Variants in SIPA1L3 observed in about 807,000 individuals in gnomAD.
SIPA1L3 encodes signal induced proliferation associated 1 like 3, also known as signal-induced proliferation-associated 1-like protein 3.
In SIPA1L3, 59 loss-of-function variants were observed where a neutral mutation model predicts 150.1. The observed-to-expected ratio is 0.39, with a 90% CI of 0.32 to 0.49. The LOEUF is 0.49. Among genes scored for constraint, SIPA1L3 ranks in the 20% least tolerant of loss-of-function variants. SIPA1L3 has a pLI of 0.86. For synonymous variants in SIPA1L3, 1,070 were observed against 1,077.6 expected (o/e 0.99, Z 0.14); for missense variants, 2,211 against 2,489.5 (o/e 0.89, Z 2.38).
At chr19:37,953,616 A>G (rs756405098) in intron 1 of SIPA1L3, among the ~76,000 whole-genome samples, 66 of 152,238 alleles carry the variant, frequency 4.3e-4, no homozygotes, top group Non-Finnish European at 8.4e-4. Flanking sequence ...CTCGAATGAA[A>G]GGAAATCTTT....
chr19:37,974,959 C>CTT (rs1460427382), intron 1 of SIPA1L3, among the ~76,000 whole-genome samples: 22 of 152,180 alleles, frequency 1.4e-4, no homozygotes, highest in Non-Finnish European at 2.9e-4. Context: ...GGGCAGATCA[C>CTT]GAGGTCAGGA....
chr19:38,017,939 CA>C (rs139078343), intron 1 of SIPA1L3, among the ~76,000 whole-genome samples: 5,493 of 143,058 alleles, frequency 0.038, 136 homozygotes, highest in South Asian at 0.15. Context: ...CACTAAAAAG[CA>C]TGTGGCTGAC....
intron 10 of SIPA1L3, among the ~76,000 whole-genome samples, chr19:38,140,791 C>T (rs1462811109): frequency 1.3e-5 from 2 of 152,118 alleles, no homozygotes; most frequent in African/African-American, 2.4e-5. Context: ...GGCGCGGTGG[C>T]TCACTCCTAT....
chr19:38,026,673 T>C (rs1257847508), intron 1 of SIPA1L3, among the ~76,000 whole-genome samples: 1 of 152,218 alleles, frequency 6.6e-6, no homozygotes, highest in African/African-American at 2.4e-5. Flanking sequence ...GCTCCGCCTT[T>C]ACCTTCTTTC....
At chr19:38,065,100 A>G (rs1032493913) in intron 2 of SIPA1L3, among the ~76,000 whole-genome samples, 10 of 152,360 alleles carry the variant, frequency 6.6e-5, no homozygotes, top group Admixed American at 5.9e-4. Context: ...CAGTTATACC[A>G]GGTAGCAAAA....
In SIPA1L3 at chr19:38,198,404, C is replaced by T. The variant is rs559674649; in HGVS notation, c.4856C>T (p.Ser1619Leu). 46 of 1,573,988 alleles carry T rather than the reference C, an allele frequency of 2.9e-5. No homozygotes were observed. Among genetic ancestry groups the T allele is most frequent in the East Asian group, 7.2e-5 (3 of 41,768 alleles). ...CCCCATCCAGCCACCATCTCAGCCT[C>T]GGAGCTCTCGCTGGCTGATGGGCGG... Reference protein sequence around the residue: ...FPEKKSTISASELSLADGRDR... With the variant: ...FPEKKSTISALELSLADGRDR... The change falls in exon 19 of 22, where the codon TCG (serine) becomes TTG (leucine). Residue 1619 changes from serine (S) to leucine (L), a missense_variant. Transcript: ENST00000222345.
chr19:37,911,547 C>T (rs572863447), intron 1 of SIPA1L3, among the ~76,000 whole-genome samples: 42 of 149,828 alleles, frequency 2.8e-4, no homozygotes, highest in Admixed American at 8.7e-4. Context: ...CTTGCTCTAT[C>T]GCCCAGGCTG....
rs555100950 is a variant in SIPA1L3 at position 38,084,193 on chromosome 19, C to T, written c.1534+1094C>T. 9.2e-5 allele frequency among the ~76,000 whole-genome samples: 14 copies of T among 152,070 alleles called. No individual in the cohort carries two copies. In the South Asian group the frequency reaches 2.1e-3, roughly 23 times the overall value. The stretch of plus-strand genomic sequence containing the variant: ...CCACACCAAGATGGCTGCTGGAGTG[C>T]CAGGCGTCACATCTGTGTTTCCAGG... On this transcript the variant is annotated intron_variant, in intron 3 of 21. Transcript: ENST00000222345.
chr19:37,955,127 C>A (rs1187251695), intron 1 of SIPA1L3, among the ~76,000 whole-genome samples: 83 of 147,552 alleles, frequency 5.6e-4, no homozygotes, highest in Non-Finnish European at 1.1e-3. Flanking sequence ...CATGGTGGCT[C>A]ACACCTGTAA....
At chr19:38,129,433 G>T (rs1971257172) in intron 9 of SIPA1L3, among the ~76,000 whole-genome samples, 1 of 152,050 alleles carries the variant, frequency 6.6e-6, no homozygotes, top group Non-Finnish European at 1.5e-5. Context: ...AGACCAGCCT[G>T]ACCAATATGG....
Position 38,152,907 on chromosome 19 carries a change from G to C in SIPA1L3, c.3601G>C (p.Gly1201Arg). The C allele has an allele frequency of 6.2e-7, 1 of 1,613,714 alleles. No homozygotes were observed. Among genetic ancestry groups the C allele is most frequent in the East Asian group, 2.2e-5 (1 of 44,876 alleles). ...PHFSHDGTSSGDSSSGGLTSQ... is the reference protein window; with the variant it reads ...PHFSHDGTSSRDSSSGGLTSQ... ...CTTCAGCCACGATGGGACGTCCAGC[G>C]GCGACTCCTCTTCCGGCGGCCTGAC... The change falls in exon 13 of 22, where the codon GGC becomes CGC. Residue 1201 changes from glycine to arginine, a missense_variant. Coordinates refer to ENST00000222345, the MANE Select transcript of SIPA1L3 (RefSeq NM_015073.3).
At chr19:37,953,163 C>A (rs1387979189) in intron 1 of SIPA1L3, among the ~76,000 whole-genome samples, 1 of 152,176 alleles carries the variant, frequency 6.6e-6, no homozygotes. Context: ...TCTCAGCTTA[C>A]AATCCTATCC....
chr19:38,003,039 G>T (rs180859221), intron 1 of SIPA1L3, among the ~76,000 whole-genome samples: 1 of 152,010 alleles, frequency 6.6e-6, no homozygotes, highest in Admixed American at 6.5e-5. Context: ...TCAGCTACTC[G>T]GGAAGCTGAG....
intron 20 of SIPA1L3, chr19:38,203,918 AC>A: frequency 1.8e-6 from 1 of 571,206 alleles, no homozygotes; most frequent in East Asian, 2.9e-5. Context: ...TGCTCCTAAC[AC>A]CCCGTCCACA....
intron 1 of SIPA1L3, among the ~76,000 whole-genome samples, chr19:38,026,741 T>G (rs1167781949): frequency 2.0e-5 from 3 of 152,128 alleles, no homozygotes; most frequent in Non-Finnish European, 4.4e-5. Context: ...GATGGAAGAT[T>G]AGTGGGTCAC....
chr19:38,138,593 G>GCTCTGAACTTA (rs374059533), intron 10 of SIPA1L3, among the ~76,000 whole-genome samples: 99,286 of 150,904 alleles, frequency 0.66, 34,138 homozygotes, highest in African/African-American at 0.86. Context: ...CCCTCCCACA[G>GCTCTGAACTTA]GGGGTTTTCG....
chr19:38,160,369 G>A (rs554203148), intron 13 of SIPA1L3, among the ~76,000 whole-genome samples: 1 of 150,590 alleles, frequency 6.6e-6, no homozygotes, highest in Non-Finnish European at 1.5e-5. Flanking sequence ...CTAGGCTGGA[G>A]AGGTTAAACC....
At chr19:37,986,434 C>T (rs1276127823) in intron 1 of SIPA1L3, among the ~76,000 whole-genome samples, 9 of 152,222 alleles carry the variant, frequency 5.9e-5, no homozygotes, top group East Asian at 3.8e-4. Context: ...CACACCAGCC[C>T]GGTTCTTGCC....
intron 10 of SIPA1L3, among the ~76,000 whole-genome samples, chr19:38,137,782 T>G (rs2037650210): frequency 6.6e-6 from 1 of 152,174 alleles, no homozygotes; most frequent in African/African-American, 2.4e-5. Context: ...CCAGCTATGT[T>G]TTTCTCTTTG....
Sources: gnomAD v4.1 joint callset for allele counts (sites outside exome capture counted in the v4.1 genomes callset) on GRCh38, gnomAD v4.1.1 for gene constraint, MANE v1.5 for transcripts, NCBI Gene and HGNC (gene_info 2026-07-23, HGNC 2026-07-21) for gene names.